The following ATF6 variants were observed in gnomAD, a reference collection of about 807,000 sequenced individuals.
The protein encoded by ATF6 is cyclic AMP-dependent transcription factor ATF-6 alpha.
ATF6 carries 53 observed loss-of-function variants against 83.6 expected under a neutral mutation model. The ratio of observed to expected loss-of-function variants is 0.63; its 90% CI spans 0.51 to 0.80. ATF6 has a LOEUF of 0.80. Ranked by LOEUF, ATF6 falls within the 30% of genes least tolerant of loss-of-function variation. ATF6 has a pLI of 0.00. For synonymous variants in ATF6, 288 were observed against 285.8 expected (o/e 1.01, Z -0.08); for missense variants, 744 against 797.9 (o/e 0.93, Z 0.81).
At chr1:161,847,678 A>G (rs1255334922) in intron 10 of ATF6, among the ~76,000 whole-genome samples, 2 of 152,148 alleles carry the variant, frequency 1.3e-5, no homozygotes, top group East Asian at 3.8e-4. Flanking sequence ...TTTAATTTTC[A>G]TAAGTAATTT....
At chr1:161,924,031 A>G (rs760650284) in intron 15 of ATF6, among the ~76,000 whole-genome samples, 4 of 152,162 alleles carry the variant, frequency 2.6e-5, no homozygotes, top group Non-Finnish European at 5.9e-5. Flanking sequence ...GCTCCTCCTA[A>G]TGGATTTATC....
chr1:161,803,656 T>C (rs1455885556), intron 7 of ATF6, among the ~76,000 whole-genome samples: 1 of 152,126 alleles, frequency 6.6e-6, no homozygotes, highest in Non-Finnish European at 1.5e-5. Flanking sequence ...TTCTATCCTT[T>C]TGGTGCATGG....
At chr1:161,900,690 T>C (rs1234239226) in intron 14 of ATF6, among the ~76,000 whole-genome samples, 1 of 152,150 alleles carries the variant, frequency 6.6e-6, no homozygotes, top group African/African-American at 2.4e-5. Context: ...CTTAATGTTA[T>C]AGTGTATGCT....
chr1:161,844,230 T>G (rs1394070), intron 9 of ATF6, among the ~76,000 whole-genome samples: 137,361 of 152,212 alleles, frequency 0.9, 62,140 homozygotes, highest in African/African-American at 0.96. Flanking sequence ...GAAGCATGTT[T>G]ATAGGACAGT....
At chr1:161,942,240 C>A (rs1323208228) in intron 15 of ATF6, among the ~76,000 whole-genome samples, 1 of 152,156 alleles carries the variant, frequency 6.6e-6, no homozygotes, top group East Asian at 1.9e-4. Flanking sequence ...TCATTGTTAA[C>A]CCCCATCCAT....
At chr1:161,802,350 T>A (rs1470641979) in intron 7 of ATF6, 78 bp downstream of exon 7, 4 of 1,311,372 alleles carry the variant, frequency 3.1e-6, no homozygotes, top group Non-Finnish European at 3.2e-6. Flanking sequence ...TTTTGTTGCC[T>A]TGTTTTTGTT....
At chr1:161,916,801 A>G (rs1420542276) in intron 15 of ATF6, among the ~76,000 whole-genome samples, 3 of 152,222 alleles carry the variant, frequency 2.0e-5, no homozygotes, top group African/African-American at 7.2e-5. Context: ...CAATGTAATG[A>G]ATTTTGACAA....
intron 1 of ATF6, among the ~76,000 whole-genome samples, chr1:161,771,974 A>T (rs1371705311): frequency 6.6e-6 from 1 of 152,190 alleles, no homozygotes; most frequent in East Asian, 1.9e-4. Context: ...TTTCCTGATC[A>T]TAAGCCTAAG....
rs138321248 is a variant in ATF6 at position 161,792,268 on chromosome 1, C to T, written c.629C>T (p.Thr210Met). The change falls in exon 6 of 16, where the codon ACG becomes ATG. Residue 210 changes from threonine to methionine, a missense_variant. Coordinates refer to ENST00000367942, the MANE Select transcript of ATF6 (RefSeq NM_007348.4). ...AKTIIIQTVP[T>M]LMPLAKQQPI... ...ACCATCATTATTCAGACAGTACCAA[C>T]GCTTATGCCATTGGCAAAGCAGCAA... The T allele has an allele frequency of 4.3e-5, 70 of 1,614,018 alleles. No individual in the cohort carries two copies. Among genetic ancestry groups the T allele is most frequent in the East Asian group, 1.3e-4 (6 of 44,898 alleles).
intron 14 of ATF6, among the ~76,000 whole-genome samples, chr1:161,908,373 A>G (rs896295413): frequency 6.6e-6 from 1 of 152,204 alleles, no homozygotes; most frequent in African/African-American, 2.4e-5. Context: ...AGGCTGTGTT[A>G]TACACTAATA....
intron 9 of ATF6, among the ~76,000 whole-genome samples, chr1:161,842,443 G>A (rs1403654711): frequency 6.6e-6 from 1 of 152,170 alleles, no homozygotes; most frequent in African/African-American, 2.4e-5. Context: ...ATTTGCAATT[G>A]CAAAAATGTG....
rs1321219552 is a variant in ATF6, at chr1:161,963,916, G to C, written c.*5262G>C. 6.6e-6 allele frequency: 1 copy of C among 152,166 alleles called. No homozygotes were observed. The highest frequency in any genetic ancestry group is 1.5e-5 in the Non-Finnish European group (1 of 68,014). 9.4% of individuals were successfully genotyped at this position (152,166 alleles called of 1,614,324 possible). On this transcript the variant is annotated 3_prime_UTR_variant, in exon 16 of 16. Coordinates refer to ENST00000367942, the MANE Select transcript of ATF6 (RefSeq NM_007348.4). ...CATGCCAATTGAAGAACGTGTTAAA[G>C]ATGAGGAGGAGAGATGTACCATTCT...
At chr1:161,775,832 A>ACTGGGATGTCATTGCTT (rs1464795048) in intron 1 of ATF6, among the ~76,000 whole-genome samples, 4 of 152,064 alleles carry the variant, frequency 2.6e-5, no homozygotes, top group African/African-American at 9.7e-5. Flanking sequence ...TTTCATTGCT[A>ACTGGGATGTCATTGCTT]CTGGGATGTC....
chr1:161,840,939 T>C (rs1386929187), intron 9 of ATF6, among the ~76,000 whole-genome samples: 1 of 152,228 alleles, frequency 6.6e-6, no homozygotes, highest in African/African-American at 2.4e-5. Context: ...TAAGCAATTA[T>C]ACAAAGTTTG....
chr1:161,800,588 A>C (rs964824035), intron 6 of ATF6, among the ~76,000 whole-genome samples: 1 of 152,250 alleles, frequency 6.6e-6, no homozygotes, highest in Non-Finnish European at 1.5e-5. Flanking sequence ...GTGCAGAGTA[A>C]CAAGGCAGGA....
intron 9 of ATF6, among the ~76,000 whole-genome samples, chr1:161,824,352 T>G (rs1438809033): frequency 1.4e-5 from 2 of 145,586 alleles, no homozygotes; most frequent in Non-Finnish European, 1.5e-5. Context: ...TTTAAAAAAG[T>G]GATTAAAAAA....
intron 15 of ATF6, among the ~76,000 whole-genome samples, chr1:161,925,637 G>C (rs1688298136): frequency 6.6e-6 from 1 of 152,088 alleles, no homozygotes; most frequent in Non-Finnish European, 1.5e-5. Context: ...GCTTCTTAAG[G>C]TTAGGACCTT....
intron 14 of ATF6, among the ~76,000 whole-genome samples, chr1:161,884,411 A>C (rs949535370): frequency 1.3e-5 from 2 of 152,148 alleles, no homozygotes; most frequent in Non-Finnish European, 2.9e-5. Context: ...ATAACTTTAG[A>C]GCTTAAAAGT....
intron 15 of ATF6, among the ~76,000 whole-genome samples, chr1:161,940,221 C>T (rs1688616586): frequency 6.6e-6 from 1 of 152,182 alleles, no homozygotes; most frequent in Admixed American, 6.5e-5. Flanking sequence ...AAAATGGACT[C>T]CAAATCCAAC....
Sources: gnomAD v4.1 joint callset for allele counts (sites outside exome capture counted in the v4.1 genomes callset) on GRCh38, gnomAD v4.1.1 for gene constraint, MANE v1.5 for transcripts, NCBI Gene and HGNC (gene_info 2026-07-23, HGNC 2026-07-21) for gene names.